The following FAM135B variants were observed in gnomAD, a reference collection of about 807,000 sequenced individuals.
FAM135B encodes the protein protein FAM135B.
In FAM135B, 43 loss-of-function variants were observed where a neutral mutation model predicts 127.7. The ratio of observed to expected loss-of-function variants is 0.34; its 90% confidence interval spans 0.26 to 0.43. FAM135B has a LOEUF of 0.43. Ranked by LOEUF, FAM135B falls within the 20% of genes least tolerant of loss-of-function variation. The pLI is 1.00. For missense variants in FAM135B, 1,558 were observed against 1,725.6 expected (o/e 0.90, Z 1.72); for synonymous variants, 670 against 665.1 (o/e 1.01, Z -0.11).
Position 138,492,599 on chromosome 8 carries a change from C to G in FAM135B, c.-20+4072G>C, listed in dbSNP as rs752937658. On this transcript the variant is annotated intron_variant, in intron 1 of 19. Coordinates refer to ENST00000395297, the MANE Select transcript of FAM135B (RefSeq NM_015912.4). ...TCTCAAACGTGTAACCCTACCATCT[C>G]CCAAGCCTCAACGGACACCACCTCA... 2.0e-4 allele frequency among the ~76,000 whole-genome samples: 31 copies of G among 152,112 alleles called. 1 individual carries two copies. Among genetic ancestry groups the G allele is most frequent in the Non-Finnish European group, 2.8e-4 (19 of 68,030 alleles).
intron 3 of FAM135B, among the ~76,000 whole-genome samples, chr8:138,275,177 T>G (rs1011087196): frequency 1.3e-5 from 2 of 152,162 alleles, no homozygotes; most frequent in Non-Finnish European, 2.9e-5. Context: ...ATCTACACAA[T>G]CCACATTCTT....
In FAM135B at chr8:138,137,208, A is replaced by T. The variant is rs1816737494; in HGVS notation, c.3954T>A (p.Tyr1318Ter). Reference sequence around the variant, plus strand: ...CAATCCTGGCTGAATGAAATGGCACATAACGGTCTTGGGGAGAAGCAACCA... The same window carrying T: ...CAATCCTGGCTGAATGAAATGGCACTTAACGGTCTTGGGGAGAAGCAACCA... ...VVLVASPQDR[Y>*]VPFHSARIEM... The change falls in exon 19 of 20, where the codon TAT becomes TAA. Residue 1318 changes from tyrosine (Y) to a stop codon, truncating the protein, a stop_gained. Coordinates refer to ENST00000395297, the MANE Select transcript of FAM135B (RefSeq NM_015912.4). LOFTEE classifies it high-confidence loss of function. The T allele has an allele frequency of 1.2e-6, 2 of 1,612,988 alleles. No homozygotes were observed. The highest frequency in any genetic ancestry group is 1.7e-6 in the Non-Finnish European group (2 of 1,178,908).
In FAM135B at chr8:138,182,069, C is replaced by T. The variant is rs111242100; in HGVS notation, c.874-3379G>A. On this transcript the variant is annotated intron_variant, in intron 9 of 19. Transcript: ENST00000395297. Reference sequence around the variant, plus strand: ...CTCTCCCGGCCTCCTTGTTCCCTCACTCACAGCACCACTACCACGCTGCCA... The same window carrying T: ...CTCTCCCGGCCTCCTTGTTCCCTCATTCACAGCACCACTACCACGCTGCCA... 5.8e-4 allele frequency among the ~76,000 whole-genome samples: 88 copies of T among 152,366 alleles called. 1 individual carries two copies. Among genetic ancestry groups the T allele is most frequent in the Non-Finnish European group, 1.2e-4 (8 of 68,030 alleles).
intron 1 of FAM135B, among the ~76,000 whole-genome samples, chr8:138,463,577 C>A (rs1837240198): frequency 6.6e-6 from 1 of 152,130 alleles, no homozygotes; most frequent in African/African-American, 2.4e-5. Context: ...TTTGAGGACA[C>A]CATGGCATAA....
chr8:138,464,220 G>A (rs1837275044), intron 1 of FAM135B, among the ~76,000 whole-genome samples: 1 of 152,234 alleles, frequency 6.6e-6, no homozygotes, highest in Admixed American at 6.5e-5. Context: ...ACGTCACTGA[G>A]CAAATGTCAG....
chr8:138,431,483 T>C lies in FAM135B; in HGVS notation c.-19-63481A>G, dbSNP rs1039307967. ...CATAGGCCTAGTCTGACAACTGCTT[T>C]TGTAAATAAAGTTTTATTGGAACAC... is the stretch of plus-strand genomic sequence containing the variant. On this transcript the variant is annotated intron_variant, in intron 1 of 19. Transcript: ENST00000395297. Among the ~76,000 whole-genome samples the C allele has an allele frequency of 4.6e-5, 7 of 152,336 alleles. No individual in the cohort carries two copies. In the East Asian group the frequency reaches 1.3e-3, roughly 29 times the overall value.
At chr8:138,275,180 A>G (rs547529496) in intron 3 of FAM135B, among the ~76,000 whole-genome samples, 311 of 152,312 alleles carry the variant, frequency 2.0e-3, no homozygotes, top group African/African-American at 7.1e-3. Context: ...TACACAATCC[A>G]CATTCTTCTG....
intron 11 of FAM135B, among the ~76,000 whole-genome samples, chr8:138,170,266 A>G (rs1586672155): frequency 7.7e-6 from 1 of 130,334 alleles, no homozygotes; most frequent in Non-Finnish European, 1.5e-5. Context: ...CTTGTTGCCC[A>G]GGCTGGAGTG....
chr8:138,442,119 G>A (rs888604798), intron 1 of FAM135B, among the ~76,000 whole-genome samples: 2 of 150,776 alleles, frequency 1.3e-5, no homozygotes, highest in South Asian at 2.1e-4. Flanking sequence ...GAAACTGAGG[G>A]TCTTAAACTA....
In FAM135B at chr8:138,243,111, A is replaced by G. The variant is rs1171698429; in HGVS notation, c.543-43T>C. On this transcript the variant is annotated intron_variant, in intron 6 of 19. Coordinates refer to ENST00000395297, the MANE Select transcript of FAM135B (RefSeq NM_015912.4). The surrounding 1 kb of genome is among the most constrained non-coding windows in gnomAD (Gnocchi z 7.5). Reference sequence around the variant, plus strand: ...GAAAGGGTGAAAAAGGAGGTAAAGAAAGTGATGGTGCCATTAACTCAGCCC... The same window carrying G: ...GAAAGGGTGAAAAAGGAGGTAAAGAGAGTGATGGTGCCATTAACTCAGCCC... 2 of 1,580,764 alleles carry G rather than the reference A, an allele frequency of 1.3e-6. No homozygotes were observed. Among genetic ancestry groups the G allele is most frequent in the Non-Finnish European group, 1.7e-6 (2 of 1,164,340 alleles).
intron 9 of FAM135B, among the ~76,000 whole-genome samples, chr8:138,186,344 G>T (rs1815571347): frequency 6.6e-6 from 1 of 152,178 alleles, no homozygotes; most frequent in East Asian, 1.9e-4. Context: ...ACATTTATAA[G>T]AATTGTATGG....
Position 138,151,561 on chromosome 8 carries a change from C to T in FAM135B, c.2914G>A (p.Val972Met). 2.5e-6 allele frequency: 4 copies of T among 1,614,234 alleles called. No individual in the cohort carries two copies. The highest frequency in any genetic ancestry group is 3.4e-6 in the Non-Finnish European group (4 of 1,180,052). Reference protein sequence around the residue: ...IMDDTAFNRGVNAFPEAKHKA... With the variant: ...IMDDTAFNRGMNAFPEAKHKA... ...TGTTTAGCCTCCGGGAAGGCATTCA[C>T]TCCTCTATTAAATGCTGTGTCATCC... Residue 972 changes from valine (V) to methionine (M), a missense_variant, in exon 13 of 20, where the codon GTG becomes ATG. Coordinates refer to ENST00000395297, the MANE Select transcript of FAM135B (RefSeq NM_015912.4).
chr8:138,349,829 G>A (rs906849568), intron 2 of FAM135B, among the ~76,000 whole-genome samples: 4 of 152,316 alleles, frequency 2.6e-5, no homozygotes, highest in African/African-American at 7.2e-5. Context: ...AAGTTCTGCA[G>A]TGAGCCAGAT....
At chr8:138,441,724 CTT>C (rs113874347) in intron 1 of FAM135B, 5 of 147,156 alleles carry the variant, frequency 3.4e-5, no homozygotes, top group African/African-American at 9.9e-5. Flanking sequence ...AGCTTCTCTG[CTT>C]TTTTTTTTTC....
intron 2 of FAM135B, among the ~76,000 whole-genome samples, chr8:138,364,213 A>G: frequency 6.6e-6 from 1 of 152,086 alleles, no homozygotes; most frequent in Middle Eastern, 3.2e-3. Flanking sequence ...CTCAGAGGAG[A>G]AAAATACTTA....
chr8:138,246,472 G>A (rs1165148285), intron 6 of FAM135B, among the ~76,000 whole-genome samples: 2 of 152,132 alleles, frequency 1.3e-5, no homozygotes, highest in East Asian at 3.9e-4. Flanking sequence ...GGCTTCAGAG[G>A]GTGCGAGCCT....
intron 17 of FAM135B, among the ~76,000 whole-genome samples, chr8:138,140,643 T>C (rs1817055786): frequency 1.8e-5 from 2 of 108,782 alleles, no homozygotes; most frequent in South Asian, 3.3e-4. Context: ...TCAACAATTC[T>C]ATGATACACA....
intron 1 of FAM135B, among the ~76,000 whole-genome samples, chr8:138,379,578 C>T (rs1382446260): frequency 1.3e-5 from 2 of 152,054 alleles, no homozygotes; most frequent in Non-Finnish European, 2.9e-5. Context: ...TAGGGAAAGA[C>T]ATAGGCAACG....
chr8:138,493,804 G>T (rs1056295643), intron 1 of FAM135B, among the ~76,000 whole-genome samples: 3 of 152,114 alleles, frequency 2.0e-5, no homozygotes, highest in African/African-American at 7.2e-5. Flanking sequence ...TCCAAAACTC[G>T]ACATCCCTGT....
Sources: gnomAD v4.1 joint callset for allele counts (sites outside exome capture counted in the v4.1 genomes callset) on GRCh38, gnomAD v4.1.1 for gene constraint, Gnocchi (gnomAD v3.1) non-coding constraint, MANE v1.5 for transcripts, NCBI Gene and HGNC (gene_info 2026-07-23, HGNC 2026-07-21) for gene names.